Variants in RPTOR observed in about 807,000 individuals in gnomAD.
RPTOR encodes regulatory associated protein of MTOR complex 1, also known as regulatory-associated protein of mTOR.
A neutral mutation model predicts 169.9 loss-of-function variants in RPTOR; 21 were observed. The ratio of observed to expected loss-of-function variants is 0.12; its 90% confidence interval spans 0.09 to 0.18. The LOEUF is 0.18. Among genes scored for constraint, RPTOR ranks in the 10% least tolerant of loss-of-function variants. The pLI is 1.00. For synonymous variants in RPTOR, 732 were observed against 753.2 expected, an observed-to-expected ratio of 0.97 and a Z score of 0.46; for missense variants, 1,133 against 1,855.9, an observed-to-expected ratio of 0.61 and a Z score of 7.16.
chr17:80,822,094 T>A, intron 7 of RPTOR, 107 bp from the exon 8 acceptor site: 1 of 968,592 alleles, frequency 1.0e-6, no homozygotes, highest in Non-Finnish European at 1.7e-6. Flanking sequence ...CCTTCCTCCC[T>A]CGCTCAGAGC....
chr17:80,933,916 CCTGT>C (rs1484999067), intron 24 of RPTOR, among the ~76,000 whole-genome samples: 1 of 152,200 alleles, frequency 6.6e-6, no homozygotes, highest in Non-Finnish European at 1.5e-5. Context: ...CTGAATAGTT[CCTGT>C]CTATTAAAGA....
intron 7 of RPTOR, among the ~76,000 whole-genome samples, chr17:80,792,305 G>A (rs977140326): frequency 6.6e-6 from 1 of 152,008 alleles, no homozygotes; most frequent in African/African-American, 2.4e-5. Context: ...TTAATATTAG[G>A]GCCTGAATTT....
chr17:80,874,089 TTTGAAAAAGA>T (rs2068079970), intron 13 of RPTOR, among the ~76,000 whole-genome samples: 1 of 152,182 alleles, frequency 6.6e-6, no homozygotes, highest in African/African-American at 2.4e-5. Flanking sequence ...TTAGGACAGG[TTTGAAAAAGA>T]TTGAAAAAGA....
intron 3 of RPTOR, among the ~76,000 whole-genome samples, chr17:80,662,741 A>G (rs1015326895): frequency 2.2e-4 from 33 of 152,190 alleles, no homozygotes; most frequent in African/African-American, 7.5e-4. Context: ...GCTGGGTATC[A>G]TTAGTGACAT....
At chr17:80,764,661 C>CT (rs1181713123) in intron 6 of RPTOR, among the ~76,000 whole-genome samples, 1 of 152,054 alleles carries the variant, frequency 6.6e-6, no homozygotes, top group Non-Finnish European at 1.5e-5. Flanking sequence ...ATTTATAGTC[C>CT]TTTGAGTATA....
chr17:80,874,781 G>A (rs2068088078), intron 13 of RPTOR, among the ~76,000 whole-genome samples: 1 of 152,172 alleles, frequency 6.6e-6, no homozygotes, highest in African/African-American at 2.4e-5. Context: ...GCCTGCAGAT[G>A]ACTTCCCCGG....
chr17:80,841,193 CCG>C (rs2067646046), intron 10 of RPTOR, among the ~76,000 whole-genome samples: 3 of 122,178 alleles, frequency 2.5e-5, no homozygotes, highest in Non-Finnish European at 5.0e-5. Context: ...CTCACACTCA[CCG>C]CACGGCAGCT....
intron 3 of RPTOR, among the ~76,000 whole-genome samples, chr17:80,702,079 G>A (rs1350921962): frequency 2.6e-5 from 4 of 152,104 alleles, no homozygotes; most frequent in African/African-American, 9.7e-5. Context: ...AGTCTACGTG[G>A]AAAATGCAGA....
At chr17:80,800,100 T>C (rs2067141830) in intron 7 of RPTOR, among the ~76,000 whole-genome samples, 1 of 152,208 alleles carries the variant, frequency 6.6e-6, no homozygotes. Context: ...GTTTGGGGGC[T>C]GAGTGTGGCA....
intron 4 of RPTOR, among the ~76,000 whole-genome samples, chr17:80,729,456 G>A (rs1388789402): frequency 6.6e-6 from 1 of 152,220 alleles, no homozygotes; most frequent in African/African-American, 2.4e-5. Context: ...TTTCTCAAGT[G>A]AGATGAGAAC....
At chr17:80,733,958 T>G (rs1370573388) in intron 5 of RPTOR, among the ~76,000 whole-genome samples, 1 of 152,224 alleles carries the variant, frequency 6.6e-6, no homozygotes, top group Non-Finnish European at 1.5e-5. Flanking sequence ...CTGCCTTTTT[T>G]CTTTTACAGC....
rs1055123590 is a variant in RPTOR at position 80,880,300 on chromosome 17, G to C, written c.1510-115G>C. The C allele has an allele frequency of 4.7e-6, 4 of 854,100 alleles. No individual in the cohort carries two copies. In the African/African-American group the frequency reaches 6.7e-5, roughly 14 times the overall value. The allele number at this position is 854,100 out of a possible 1,614,324, so 52.9% of individuals were successfully genotyped here. A position where few individuals can be genotyped will look rare whatever the true frequency, so the allele number is the denominator to read the frequency against. ...CAAATGAAAACTGGGCTTGAAAGGA[G>C]GAAATAATTGAGGTATAAGAAGTCC... On this transcript the variant is annotated intron_variant, in intron 13 of 33. Transcript: ENST00000306801.
intron 5 of RPTOR, among the ~76,000 whole-genome samples, chr17:80,742,322 G>A (rs12938982): frequency 0.18 from 27,329 of 152,082 alleles, 2,921 homozygotes; most frequent in East Asian, 0.24. Flanking sequence ...CACAAGGGGA[G>A]GAGCTGGCTG....
At chr17:80,743,773 TTACTAGCAGAGC>T (rs2066514304) in intron 5 of RPTOR, among the ~76,000 whole-genome samples, 2 of 103,056 alleles carry the variant, frequency 1.9e-5, no homozygotes, top group Admixed American at 9.1e-5. Flanking sequence ...ACTCTCCTGG[TTACTAGCAGAGC>T]CCTGGCTACT....
chr17:80,858,180 C>G, intron 13 of RPTOR: 1 of 467,814 alleles, frequency 2.1e-6, no homozygotes, highest in South Asian at 2.4e-5. Context: ...CCCTGGTGCC[C>G]TGCACTCAGT....
chr17:80,606,471 G>A (rs58314604), intron 1 of RPTOR, among the ~76,000 whole-genome samples: 127 of 152,136 alleles, frequency 8.3e-4, no homozygotes, highest in Middle Eastern at 6.8e-3. Context: ...GGAGGTTTCC[G>A]TTAGCTTTTG....
Position 80,660,526 on chromosome 17 carries a change from G to A in RPTOR, c.348+16716G>A, listed in dbSNP as rs1192508386. Among the ~76,000 whole-genome samples, 6 of 152,248 alleles carry A rather than the reference G, an allele frequency of 3.9e-5. No individual in the cohort carries two copies. The East Asian group carries it at 5.8e-4, about 15-fold the overall frequency. ...GCCACACTCTGAGGAGCAGAGTTGG[G>A]GACAAGAGTGGAAGGAAGAGTCTGA... On this transcript the variant is annotated intron_variant, in intron 3 of 33. Coordinates refer to ENST00000306801, the MANE Select transcript of RPTOR (RefSeq NM_020761.3).
intron 2 of RPTOR, among the ~76,000 whole-genome samples, chr17:80,639,343 C>T (rs986538584): frequency 3.3e-5 from 5 of 151,610 alleles, no homozygotes; most frequent in Admixed American, 6.6e-5. Context: ...AAAGATTGTC[C>T]GAGCAGTGAG....
rs891927897 is a variant in RPTOR at position 80,721,738 on chromosome 17, G to C, written c.508-8822G>C. On this transcript the variant is annotated intron_variant, in intron 4 of 33. Transcript: ENST00000306801. The surrounding 1 kb of genome is among the most constrained non-coding windows in gnomAD (Gnocchi z 4.7). ...ATTTTGGTTAATCCACTGAAAAAAT[G>C]AATGTTGAGGAACACAGCCAGCTTT... 6.6e-6 allele frequency among the ~76,000 whole-genome samples: 1 copy of C among 151,300 alleles called. No individual in the cohort carries two copies. The highest frequency in any genetic ancestry group is 2.5e-5 in the African/African-American group (1 of 40,590).
Sources: gnomAD v4.1 joint callset for allele counts (sites outside exome capture counted in the v4.1 genomes callset) on GRCh38, gnomAD v4.1.1 for gene constraint, Gnocchi (gnomAD v3.1) non-coding constraint, MANE v1.5 for transcripts, NCBI Gene and HGNC (gene_info 2026-07-23, HGNC 2026-07-21) for gene names.